COL6A5: variants seen among roughly 807,000 people sequenced by gnomAD.
The protein encoded by COL6A5 is collagen type VI alpha 5 chain.
COL6A5 carries 48 observed loss-of-function variants against 65.6 expected under a neutral mutation model. The ratio of observed to expected loss-of-function variants is 0.73; its 90% CI spans 0.58 to 0.93. The LOEUF (loss-of-function observed/expected upper bound fraction) is 0.93. COL6A5 is among the 40% of genes least tolerant of loss of function. COL6A5 has a pLI of 0.00. For synonymous variants in COL6A5, 291 were observed against 322.8 expected (o/e 0.90, Z 1.05); for missense variants, 914 against 928.3 (o/e 0.98, Z 0.20).
chr3:130,383,368 G>A (rs911324207), intron 4 of COL6A5, among the ~76,000 whole-genome samples: 1 of 152,010 alleles, frequency 6.6e-6, no homozygotes, highest in Non-Finnish European at 1.5e-5. Flanking sequence ...CCTAGGCAGG[G>A]ATGAATGGGC....
chr3:130,470,519 A>G (rs1437219985), intron 6 of COL6A5, among the ~76,000 whole-genome samples: 1 of 152,032 alleles, frequency 6.6e-6, no homozygotes, highest in African/African-American at 2.4e-5. Context: ...CAGAACTTAA[A>G]GTATAATTAA....
intron 1 of COL6A5, among the ~76,000 whole-genome samples, 173 bp from the exon 34 acceptor site, chr3:130,439,340 TGTGTGTGTG>T (rs967640937): frequency 2.9e-3 from 17 of 5,870 alleles, no homozygotes; most frequent in African/African-American, 3.3e-3. Context: ...AGCAGGGGAT[TGTGTGTGTG>T]TGTGTGTGTG....
At chr3:130,470,815 T>C (rs1432291187) in intron 6 of COL6A5, 56 bp from the exon 39 acceptor site, 10 of 1,270,202 alleles carry the variant, frequency 7.9e-6, no homozygotes, top group Non-Finnish European at 1.1e-5. Context: ...TGACTTTGGG[T>C]GAGATAATAA....
intron 1 of COL6A5, among the ~76,000 whole-genome samples, chr3:130,348,802 A>G (rs2107609498): frequency 6.6e-6 from 1 of 152,306 alleles, no homozygotes; most frequent in East Asian, 1.9e-4. Context: ...CTGACTTTTT[A>G]ACAATTGCCA....
At chr3:130,453,470 T>C (rs962138412) in intron 4 of COL6A5, among the ~76,000 whole-genome samples, 1 of 152,128 alleles carries the variant, frequency 6.6e-6, no homozygotes, top group African/African-American at 2.4e-5. Context: ...AGGCACTTAT[T>C]ACGGCCTACC....
intron 7 of COL6A5, among the ~76,000 whole-genome samples, chr3:130,475,902 T>G (rs1270736804): frequency 6.6e-6 from 1 of 152,096 alleles, no homozygotes; most frequent in African/African-American, 2.4e-5. Flanking sequence ...AGTACACAGA[T>G]GGAGAAACTG....
chr3:130,447,571 A>T (rs1709337881), intron 4 of COL6A5, among the ~76,000 whole-genome samples: 1 of 152,134 alleles, frequency 6.6e-6, no homozygotes, highest in African/African-American at 2.4e-5. Context: ...ATGAGATCTA[A>T]TATGTGTAAT....
At chr3:130,433,618 T>C (rs1242918519) in intron 1 of COL6A5, among the ~76,000 whole-genome samples, 1 of 152,084 alleles carries the variant, frequency 6.6e-6, no homozygotes, top group Non-Finnish European at 1.5e-5. Context: ...CTCAATTCCC[T>C]CCTTCCAATC....
chr3:130,379,016 G>A (rs1935889608), intron 3 of COL6A5, among the ~76,000 whole-genome samples: 1 of 152,122 alleles, frequency 6.6e-6, no homozygotes, highest in Non-Finnish European at 1.5e-5. Context: ...AAAGGTAGCG[G>A]TGATGGTGGA....
chr3:130,401,915 G>T, intron 12 of COL6A5, 61 bp downstream of exon 12: 1 of 1,202,624 alleles, frequency 8.3e-7, no homozygotes, highest in Non-Finnish European at 1.2e-6. Context: ...AGGTGGGACT[G>T]AGACTGAGTG....
intron 4 of COL6A5, among the ~76,000 whole-genome samples, chr3:130,449,594 A>C (rs1396368246): frequency 1.3e-5 from 2 of 152,160 alleles, no homozygotes; most frequent in African/African-American, 4.8e-5. Context: ...AGAGGAAATA[A>C]CAGAAACATC....
chr3:130,359,880 A>G (rs977225103), intron 1 of COL6A5, among the ~76,000 whole-genome samples: 3 of 152,138 alleles, frequency 2.0e-5, no homozygotes, highest in African/African-American at 7.2e-5. Flanking sequence ...GATATTACAG[A>G]AAGTTATCTT....
At chr3:130,358,648 T>C (rs192839908) in intron 1 of COL6A5, among the ~76,000 whole-genome samples, 1 of 152,292 alleles carries the variant, frequency 6.6e-6, no homozygotes. Context: ...ATGTGGAATT[T>C]TTTCCCCCCA....
intron 20 of COL6A5, among the ~76,000 whole-genome samples, chr3:130,412,586 C>T (rs550440815): frequency 3.3e-5 from 5 of 152,120 alleles, no homozygotes; most frequent in South Asian, 2.1e-4. Context: ...TTATAGGAAC[C>T]GAGGCCTCAA....
intron 1 of COL6A5, among the ~76,000 whole-genome samples, chr3:130,352,740 G>A (rs772838516): frequency 7.9e-5 from 12 of 152,090 alleles, no homozygotes; most frequent in South Asian, 2.1e-4. Context: ...AAAGATAACC[G>A]TATATACTTA....
At chr3:130,384,968 GA>G in exon 5 of COL6A5, 1 of 1,550,990 alleles carries the variant, frequency 6.4e-7, no homozygotes. Flanking sequence ...GTATTCAGAT[GA>G]CACAGAAGTG....
At chr3:130,422,230 T>A (rs1185358642) in intron 27 of COL6A5, among the ~76,000 whole-genome samples, 1 of 152,040 alleles carries the variant, frequency 6.6e-6, no homozygotes, top group Non-Finnish European at 1.5e-5. Context: ...AGAGGATCAA[T>A]TTTCCAATTT....
intron 7 of COL6A5, among the ~76,000 whole-genome samples, chr3:130,477,575 C>T (rs1232585865): frequency 1.3e-5 from 2 of 151,928 alleles, no homozygotes; most frequent in Non-Finnish European, 2.9e-5. Context: ...TTTCCAATAT[C>T]AACTGTAGTG....
In COL6A5 at chr3:130,426,437, A is replaced by G. The variant is rs1475215187; in HGVS notation, c.5236+34A>G. The G allele has an allele frequency of 2.6e-6, 4 of 1,549,376 alleles. No individual in the cohort carries two copies. The African/African-American group carries it at 4.1e-5, about 16-fold the overall frequency. On this transcript the variant is annotated intron_variant and NMD_transcript_variant, in intron 31 of 41. Coordinates refer to the COL6A5 transcript ENST00000312481. Reference sequence around the variant, plus strand: ...CTGTTACGGAACAAGAGCATCCATCAATGGTTGGTGAGGCACTTAGGACTG... The same window carrying G: ...CTGTTACGGAACAAGAGCATCCATCGATGGTTGGTGAGGCACTTAGGACTG...
Sources: allele counts gnomAD v4.1 joint callset (sites outside exome capture counted in the v4.1 genomes callset), GRCh38; gene constraint gnomAD v4.1.1; transcripts MANE v1.5; gene names NCBI Gene and HGNC (gene_info 2026-07-23, HGNC 2026-07-21).